KNDC1: variants seen among roughly 807,000 people sequenced by gnomAD.
KNDC1 encodes kinase non-catalytic C-lobe domain-containing protein 1.
A neutral mutation model predicts 172.8 loss-of-function variants in KNDC1; 106 were observed. The ratio of observed to expected loss-of-function variants is 0.61; its 90% CI spans 0.52 to 0.72. KNDC1 has a LOEUF of 0.72. Among genes scored for constraint, KNDC1 ranks in the 30% least tolerant of loss-of-function variants. The pLI, the probability that KNDC1 is intolerant of heterozygous loss-of-function variation, is 0.00. For missense variants in KNDC1, 2,325 were observed against 2,394.5 expected (o/e 0.97, Z 0.61); for synonymous variants, 1,083 against 1,062.2 (o/e 1.02, Z -0.38).
intron 3 of KNDC1, among the ~76,000 whole-genome samples, chr10:133,170,991 T>G (rs1253612226): frequency 6.6e-6 from 1 of 152,256 alleles, no homozygotes; most frequent in African/African-American, 2.4e-5. Context: ...CGGTGTCCTC[T>G]GCTGAAAAGT....
At chr10:133,202,942 C>T (rs998217025) in intron 17 of KNDC1, among the ~76,000 whole-genome samples, 4 of 152,212 alleles carry the variant, frequency 2.6e-5, no homozygotes, top group African/African-American at 4.8e-5. Flanking sequence ...AAACACCAAA[C>T]GACCCGGCCC....
intron 3 of KNDC1, among the ~76,000 whole-genome samples, chr10:133,181,005 G>A (rs1460924854): frequency 6.6e-6 from 1 of 152,234 alleles, no homozygotes; most frequent in African/African-American, 2.4e-5. Flanking sequence ...GTAAGTGGAG[G>A]TGACCTGGGA....
At chr10:133,205,192 G>T (rs900212782) in intron 17 of KNDC1, among the ~76,000 whole-genome samples, 3 of 152,166 alleles carry the variant, frequency 2.0e-5, no homozygotes, top group African/African-American at 7.2e-5. Flanking sequence ...TGCCTGTCCC[G>T]TAGGACAGAA....
intron 7 of KNDC1, among the ~76,000 whole-genome samples, chr10:133,189,138 G>A (rs541781059): frequency 4.7e-4 from 71 of 152,304 alleles, no homozygotes; most frequent in South Asian, 8.3e-4. Context: ...CAGGGCAGAC[G>A]GACGGTGCAT....
Position 133,214,111 on chromosome 10 carries a change from C to T in KNDC1, c.4666C>T (p.His1556Tyr). ...GGTGGCTGCAGAGATTGTGACCAGCCACACCTCCAAGGTGGGCACCCTACA... is the reference window on the plus strand; with the variant it reads ...GGTGGCTGCAGAGATTGTGACCAGCTACACCTCCAAGGTGGGCACCCTACA... ...TWVAAEIVTS[H>Y]TSKLQVNLLS... Residue 1556 changes from histidine to tyrosine, a missense_variant, in exon 26 of 30, where the codon CAC becomes TAC. By Grantham distance (83) the His-to-Tyr change is moderately conservative. Transcript: ENST00000304613. 1 of 1,614,080 alleles carries T rather than the reference C, an allele frequency of 6.2e-7. No homozygotes were observed. Among genetic ancestry groups the T allele is most frequent in the East Asian group, 2.2e-5 (1 of 44,894 alleles).
At chr10:133,166,778 T>C (rs922042786) in intron 1 of KNDC1, among the ~76,000 whole-genome samples, 3 of 151,816 alleles carry the variant, frequency 2.0e-5, no homozygotes, top group African/African-American at 7.3e-5. Flanking sequence ...GTGGCAACCA[T>C]CGTGATCACA....
rs765616770 is a variant in KNDC1, at chr10:133,198,630, G to C, written c.2122G>C (p.Glu708Gln). Residue 708 changes from glutamate to glutamine, a missense_variant, in exon 14 of 30, where the codon GAG becomes CAG. Transcript: ENST00000304613. ...GTCCGAGGAGAGGGGCGGCCAGAGG[G>C]AGGGAGAAGGTGAGGAGAAGCTCTC... is the stretch of plus-strand genomic sequence containing the variant. ...EESEERGGQR[E>Q]GEGEEKLSLE... The C allele has an allele frequency of 6.2e-7, 1 of 1,605,254 alleles. No homozygotes were observed.
intron 28 of KNDC1, 115 bp from the exon 29 acceptor site, chr10:133,219,840 T>G (rs1198174682): frequency 9.8e-7 from 1 of 1,023,696 alleles, no homozygotes; most frequent in African/African-American, 1.6e-5. Context: ...GTAGACCCCG[T>G]GCGTGGAGAA....
intron 26 of KNDC1, among the ~76,000 whole-genome samples, chr10:133,217,134 A>T (rs552148297): frequency 6.6e-6 from 1 of 152,280 alleles, no homozygotes; most frequent in Non-Finnish European, 1.5e-5. Context: ...TGAACCGTGC[A>T]CTCAGAAAAG....
chr10:133,171,740 A>T (rs1487671257), intron 3 of KNDC1, among the ~76,000 whole-genome samples: 1 of 152,080 alleles, frequency 6.6e-6, no homozygotes, highest in East Asian at 1.9e-4. Context: ...CTTCCTAAGT[A>T]GCTGAGACTG....
chr10:133,185,481 G>A (rs1314955925), intron 5 of KNDC1, among the ~76,000 whole-genome samples: 14 of 150,218 alleles, frequency 9.3e-5, no homozygotes, highest in South Asian at 2.1e-4. Flanking sequence ...GGCAGTGTGT[G>A]CAGTGTGGAG....
In KNDC1 at chr10:133,209,353, T is replaced by C. The variant is rs1450158594; in HGVS notation, c.3795-1258T>C. On this transcript the variant is annotated intron_variant, in intron 20 of 29. Transcript: ENST00000304613. The surrounding 1 kb of genome is among the most constrained non-coding windows in gnomAD (Gnocchi z 4.9). Reference sequence around the variant, plus strand: ...GTGTGCTGTGCGGTGTGGGGTATAGTGTGTGCACATGTGGTGTGAGGTATA... The same window carrying C: ...GTGTGCTGTGCGGTGTGGGGTATAGCGTGTGCACATGTGGTGTGAGGTATA... Among the ~76,000 whole-genome samples, 1 of 150,664 alleles carries C rather than the reference T, an allele frequency of 6.6e-6. No individual in the cohort carries two copies. Among genetic ancestry groups the C allele is most frequent in the Non-Finnish European group, 1.5e-5 (1 of 67,708 alleles).
chr10:133,198,291 T>G, intron 12 of KNDC1, 46 bp from the exon 13 acceptor site: 1 of 1,501,786 alleles, frequency 6.7e-7, no homozygotes, highest in Non-Finnish European at 8.9e-7. Flanking sequence ...CGGCACGTGC[T>G]GGGGCCACTC....
At chr10:133,184,683 ACT>A (rs1321149516) in intron 5 of KNDC1, among the ~76,000 whole-genome samples, 2 of 152,008 alleles carry the variant, frequency 1.3e-5, no homozygotes, top group African/African-American at 2.4e-5. Flanking sequence ...CCATTTCCAC[ACT>A]CTCATGTGCA....
intron 29 of KNDC1, among the ~76,000 whole-genome samples, chr10:133,223,683 A>G (rs77474994): frequency 2.1e-3 from 40 of 19,162 alleles, no homozygotes; most frequent in African/African-American, 5.6e-3. Context: ...TCTTCCCGGC[A>G]TGTGTGTGTG....
chr10:133,160,331 TG>T lies in KNDC1; in HGVS notation c.-135del. On this transcript the variant is annotated 5_prime_UTR_variant, in exon 1 of 30. Coordinates refer to ENST00000304613, the MANE Select transcript of KNDC1 (RefSeq NM_152643.8). Reference sequence around the variant, plus strand: ...GCCCCGTATCCCTGACCGCGTCCCCTGGAGACACTGCGGCAGCGGCGGGCGG... The same window carrying T: ...GCCCCGTATCCCTGACCGCGTCCCCTGAGACACTGCGGCAGCGGCGGGCGG... 1 of 264,398 alleles carries T rather than the reference TG, an allele frequency of 3.8e-6. No homozygotes were observed. The highest frequency in any genetic ancestry group is 2.3e-5 in the African/African-American group (1 of 43,272). 16.4% of individuals were successfully genotyped at this position (264,398 alleles called of 1,614,324 possible).
At chr10:133,223,312 G>C (rs2998118) in intron 29 of KNDC1, among the ~76,000 whole-genome samples, 229 of 26,052 alleles carry the variant, frequency 8.8e-3, no homozygotes, top group African/African-American at 0.03. Context: ...CAGGCATGCT[G>C]TTCCCGGCGT....
intron 28 of KNDC1, 61 bp from the exon 29 acceptor site, chr10:133,219,894 G>A: frequency 6.8e-7 from 1 of 1,478,168 alleles, no homozygotes; most frequent in Non-Finnish European, 9.1e-7. Context: ...GGCCCCGGCT[G>A]AGGCTCCTGC....
In KNDC1 at chr10:133,198,902, G is replaced by C; in HGVS notation, c.2394G>C (p.Pro798=). 1 of 1,586,476 alleles carries C rather than the reference G, an allele frequency of 6.3e-7. No individual in the cohort carries two copies. ...KASALPVEQG[P]AEPIPPGVAS... is the part of the protein sequence containing the mutation. ...CTGCGCTGCCCGTAGAGCAAGGGCC[G>C]GCTGAGCCGATCCCACCTGGAGTTG... The change falls in exon 14 of 30, where the codon CCG becomes CCC. Residue 798 remains proline (P), a synonymous_variant. Transcript: ENST00000304613.
Sources: allele counts gnomAD v4.1 joint callset (sites outside exome capture counted in the v4.1 genomes callset), GRCh38; gene constraint gnomAD v4.1.1; non-coding constraint Gnocchi (gnomAD v3.1); transcripts MANE v1.5; gene names NCBI Gene and HGNC (gene_info 2026-07-23, HGNC 2026-07-21).